Variants in SDCBP observed in about 807,000 individuals in gnomAD.
The protein encoded by SDCBP is syntenin-1.
In SDCBP, 22 loss-of-function variants were observed where a neutral mutation model predicts 30.5. The ratio of observed to expected loss-of-function variants is 0.72; its 90% CI spans 0.52 to 1.03. The LOEUF is 1.03. Among genes scored for constraint, SDCBP ranks in the 50% least tolerant of loss-of-function variants. The pLI, the probability that SDCBP is intolerant of heterozygous loss-of-function variation, is 0.00. For synonymous variants in SDCBP, 103 were observed against 118.7 expected (o/e 0.87, Z 0.86); for missense variants, 304 against 369.9 (o/e 0.82, Z 1.46).
chr8:58,580,630 T>C (rs1805640215), intron 8 of SDCBP, 22 bp downstream of exon 8: 1 of 1,159,996 alleles, frequency 8.6e-7, no homozygotes, highest in Admixed American at 1.7e-5. Flanking sequence ...ATTCCTCAAC[T>C]TAATGCATAT....
chr8:58,555,270 G>A (rs1056611664), intron 1 of SDCBP, among the ~76,000 whole-genome samples: 4 of 152,258 alleles, frequency 2.6e-5, no homozygotes, highest in Middle Eastern at 3.4e-3. Context: ...TGCAGAGTTG[G>A]AGGGTATCTG....
intron 4 of SDCBP, among the ~76,000 whole-genome samples, chr8:58,573,068 A>G (rs1305670031): frequency 6.6e-6 from 1 of 152,018 alleles, no homozygotes; most frequent in Non-Finnish European, 1.5e-5. Flanking sequence ...TCGACCTCCC[A>G]GAGTGCTGGG....
intron 1 of SDCBP, among the ~76,000 whole-genome samples, chr8:58,557,562 A>G (rs1804217555): frequency 6.7e-6 from 1 of 150,160 alleles, no homozygotes; most frequent in Admixed American, 6.7e-5. Flanking sequence ...TATCCCACCC[A>G]CTGAAAGATC....
At chr8:58,557,022 CTATAT>C (rs578204297) in intron 1 of SDCBP, among the ~76,000 whole-genome samples, 2,219 of 130,140 alleles carry the variant, frequency 0.017, 26 homozygotes, top group African/African-American at 0.034. Flanking sequence ...ATCTTATATA[CTATAT>C]TATAAGTATA....
At chr8:58,559,605 A>T (rs1250550682) in intron 1 of SDCBP, among the ~76,000 whole-genome samples, 6 of 151,814 alleles carry the variant, frequency 4.0e-5, no homozygotes, top group African/African-American at 1.5e-4. Flanking sequence ...TAAGGACTGT[A>T]CCAGGCCACT....
chr8:58,554,960 G>A (rs191877629), intron 1 of SDCBP, among the ~76,000 whole-genome samples: 2 of 152,122 alleles, frequency 1.3e-5, no homozygotes, highest in Non-Finnish European at 2.9e-5. Context: ...TGGCAGGCAG[G>A]CAACTTTTTT....
intron 1 of SDCBP, among the ~76,000 whole-genome samples, chr8:58,555,371 C>CA (rs1316310292): frequency 2.0e-5 from 3 of 152,140 alleles, no homozygotes; most frequent in Non-Finnish European, 4.4e-5. Flanking sequence ...GAGTGTTTCT[C>CA]AAAGGCTTGC....
chr8:58,572,359 T>C (rs775109102), intron 4 of SDCBP, 45 bp downstream of exon 4: 7 of 1,255,154 alleles, frequency 5.6e-6, no homozygotes, highest in South Asian at 3.6e-5. Flanking sequence ...AATCATACTT[T>C]ACATGTTAGT....
rs201895708 is a variant in SDCBP, at chr8:58,580,549, T to A, written c.783T>A (p.Ser261=). ...AAATTGCAGACATACTGTCAACATC[T>A]GGGACTGTAGTTACTATTACAATCA... ...DSQIADILST[S]GTVVTITIMP... The change falls in exon 8 of 9, where the codon TCT becomes TCA. Residue 261 remains serine, a synonymous_variant. Coordinates refer to ENST00000260130, the MANE Select transcript of SDCBP (RefSeq NM_005625.4). 419 of 1,594,768 alleles carry A rather than the reference T, an allele frequency of 2.6e-4. No individual in the cohort carries two copies. The highest frequency in any genetic ancestry group is 3.4e-4 in the Middle Eastern group (2 of 5,852).
chr8:58,567,565 A>G (rs540721153), intron 2 of SDCBP, among the ~76,000 whole-genome samples: 7 of 152,296 alleles, frequency 4.6e-5, no homozygotes, highest in Admixed American at 3.3e-4. Flanking sequence ...TTGGTGTTAT[A>G]TGTTCTGTGG....
At chr8:58,561,709 G>A (rs1408081969) in intron 1 of SDCBP, 20 of 658,502 alleles carry the variant, frequency 3.0e-5, no homozygotes, top group Non-Finnish European at 4.9e-5. Flanking sequence ...TCTGTTAAAT[G>A]GAAACAAAAG....
At chr8:58,572,469 T>C (rs559103637) in intron 4 of SDCBP, among the ~76,000 whole-genome samples, 155 bp downstream of exon 4, 1 of 152,340 alleles carries the variant, frequency 6.6e-6, no homozygotes, top group East Asian at 1.9e-4. Flanking sequence ...ATTTCTTATA[T>C]AGTCTACTTC....
chr8:58,557,303 TTTA>T (rs1428456605), intron 1 of SDCBP, among the ~76,000 whole-genome samples: 1 of 134,726 alleles, frequency 7.4e-6, no homozygotes, highest in Non-Finnish European at 1.5e-5. Context: ...GATATTTATA[TTTA>T]ATTATATATA....
intron 1 of SDCBP, among the ~76,000 whole-genome samples, chr8:58,557,884 G>A (rs1358036754): frequency 6.6e-6 from 1 of 152,146 alleles, no homozygotes; most frequent in Non-Finnish European, 1.5e-5. Context: ...AATAATGTTT[G>A]ATAAGAGTTG....
chr8:58,556,877 ATATAT>A (rs1403767524), intron 1 of SDCBP, among the ~76,000 whole-genome samples: 5 of 144,228 alleles, frequency 3.5e-5, no homozygotes, highest in Non-Finnish European at 7.5e-5. Flanking sequence ...TATAATACAT[ATATAT>A]TATAATACGT....
chr8:58,570,103 C>T (rs1804932808), intron 2 of SDCBP, among the ~76,000 whole-genome samples: 1 of 151,920 alleles, frequency 6.6e-6, no homozygotes, highest in South Asian at 2.1e-4. Context: ...AAACTTGTCT[C>T]TAATGACATA....
chr8:58,571,762 G>A (rs986614718), intron 3 of SDCBP, among the ~76,000 whole-genome samples: 1 of 152,104 alleles, frequency 6.6e-6, no homozygotes, highest in African/African-American at 2.4e-5. Context: ...AAAAAAAATT[G>A]TTCATAAGAA....
intron 1 of SDCBP, among the ~76,000 whole-genome samples, chr8:58,564,159 C>G (rs1241970280): frequency 6.6e-6 from 1 of 152,122 alleles, no homozygotes; most frequent in African/African-American, 2.4e-5. Flanking sequence ...AAGAGCTCAG[C>G]TCCATTTTGG....
At chr8:58,556,926 TAA>T (rs1804146074) in intron 1 of SDCBP, among the ~76,000 whole-genome samples, 1 of 131,934 alleles carries the variant, frequency 7.6e-6, no homozygotes, top group African/African-American at 2.8e-5. Context: ...TAATTATATA[TAA>T]TATATATTAT....
Sources: gnomAD v4.1 joint callset for allele counts (sites outside exome capture counted in the v4.1 genomes callset) on GRCh38, gnomAD v4.1.1 for gene constraint, MANE v1.5 for transcripts, NCBI Gene and HGNC (gene_info 2026-07-23, HGNC 2026-07-21) for gene names.